ANK2: variants seen among roughly 807,000 people sequenced by gnomAD.
The protein encoded by ANK2 is ankyrin-2.
A neutral mutation model predicts 360.5 loss-of-function variants in ANK2; 83 were observed. The observed-to-expected ratio is 0.23, with a 90% CI of 0.19 to 0.28. The LOEUF (loss-of-function observed/expected upper bound fraction) is 0.28. ANK2 is among the 10% of genes least tolerant of loss of function. ANK2 has a pLI of 1.00. For synonymous variants in ANK2, 1,740 were observed against 1,759.5 expected (o/e 0.99, Z 0.28); for missense variants, 4,201 against 4,795.7 (o/e 0.88, Z 3.66).
intron 2 of ANK2, among the ~76,000 whole-genome samples, chr4:112,943,003 A>G (rs1426265450): frequency 6.6e-6 from 1 of 152,106 alleles, no homozygotes; most frequent in Non-Finnish European, 1.5e-5. Context: ...GGTAACCATC[A>G]ATCGCTTGCT....
intron 22 of ANK2, among the ~76,000 whole-genome samples, chr4:113,298,709 A>C (rs1040782713): frequency 3.3e-5 from 5 of 152,132 alleles, no homozygotes; most frequent in African/African-American, 1.2e-4. Context: ...ACTCATTTTA[A>C]CTTTTAAAGT....
chr4:112,922,831 G>A (rs1022548931), intron 2 of ANK2, among the ~76,000 whole-genome samples: 4 of 152,092 alleles, frequency 2.6e-5, no homozygotes, highest in Admixed American at 1.3e-4. Context: ...CCTTGTCACT[G>A]ATACCAACCT....
the ANK2 span, among the ~76,000 whole-genome samples, chr4:112,766,738 C>A: frequency 6.6e-6 from 1 of 152,290 alleles, no homozygotes; most frequent in East Asian, 1.9e-4. Flanking sequence ...TTATTTGCAA[C>A]ATCTGTGCGT....
chr4:113,124,220 G>T (rs186833267), intron 1 of ANK2, among the ~76,000 whole-genome samples: 83 of 152,238 alleles, frequency 5.5e-4, no homozygotes, highest in Middle Eastern at 6.8e-3. Flanking sequence ...AGTGTCCTAG[G>T]GATTTAATTG....
intron 1 of ANK2, among the ~76,000 whole-genome samples, chr4:113,124,154 T>C (rs2095528409): frequency 6.6e-6 from 1 of 152,156 alleles, no homozygotes; most frequent in Non-Finnish European, 1.5e-5. Context: ...ACCACTACAT[T>C]GTGAATTTAA....
chr4:113,206,821 C>T (rs577912401), intron 4 of ANK2, among the ~76,000 whole-genome samples: 4 of 152,214 alleles, frequency 2.6e-5, no homozygotes, highest in Admixed American at 6.5e-5. Context: ...GTCAGGAGTT[C>T]GAGACCAGCC....
Position 113,336,063 on chromosome 4 carries a change from C to T in ANK2, c.3591+6C>T, listed in dbSNP as rs773506312. ...GGATCCGCGTAGGCCTGCAGGTATG[C>T]CCATGTTAGATGCAAATGATCCTAA... On this transcript the variant is annotated splice_donor_region_variant and intron_variant, in intron 30 of 45. Coordinates refer to ENST00000357077, the MANE Select transcript of ANK2 (RefSeq NM_001148.6). 15 of 1,613,054 alleles carry T rather than the reference C, an allele frequency of 9.3e-6. No individual in the cohort carries two copies. In the South Asian group the frequency reaches 1.6e-4, roughly 18 times the overall value.
intron 2 of ANK2, among the ~76,000 whole-genome samples, chr4:113,180,259 G>C (rs568976923): frequency 6.6e-6 from 1 of 152,198 alleles, no homozygotes; most frequent in Non-Finnish European, 1.5e-5. Flanking sequence ...CTTACCAGCT[G>C]AGTGACCCTC....
At chr4:113,057,119 T>G (rs1318373294) in intron 1 of ANK2, among the ~76,000 whole-genome samples, 1 of 152,180 alleles carries the variant, frequency 6.6e-6, no homozygotes, top group African/African-American at 2.4e-5. Flanking sequence ...AAGCCAATGA[T>G]TGACACTTAC....
At chr4:112,946,231 G>A (rs1028517243) in intron 2 of ANK2, among the ~76,000 whole-genome samples, 1 of 152,112 alleles carries the variant, frequency 6.6e-6, no homozygotes, top group African/African-American at 2.4e-5. Context: ...AGCCTTTCGT[G>A]GAAAGGAGCC....
chr4:112,795,647 G>A, the ANK2 span, among the ~76,000 whole-genome samples: 1 of 152,022 alleles, frequency 6.6e-6, no homozygotes, highest in Non-Finnish European at 1.5e-5. Flanking sequence ...GGGATTACAG[G>A]TGCCTGCCAC....
At chr4:113,333,296 ATATGTGTG>A (rs2092898885) in intron 29 of ANK2, 88 bp downstream of exon 29, 3 of 1,387,336 alleles carry the variant, frequency 2.2e-6, no homozygotes, top group Non-Finnish European at 3.0e-6. Flanking sequence ...GGGTGTGTGT[ATATGTGTG>A]TGTGTGTGTG....
chr4:113,352,131 G>A (rs919875423), intron 37 of ANK2, among the ~76,000 whole-genome samples: 7 of 152,112 alleles, frequency 4.6e-5, no homozygotes, highest in Non-Finnish European at 8.8e-5. Context: ...CAGCAAGGCC[G>A]CCTCTCCCAG....
intron 2 of ANK2, among the ~76,000 whole-genome samples, chr4:112,942,918 C>T (rs2094331474): frequency 1.3e-5 from 2 of 151,910 alleles, no homozygotes; most frequent in African/African-American, 2.4e-5. Flanking sequence ...TAACTGCAAT[C>T]TAAAGTATTA....
intron 1 of ANK2, among the ~76,000 whole-genome samples, chr4:112,898,561 G>T (rs926011403): frequency 1.3e-5 from 2 of 152,076 alleles, no homozygotes; most frequent in Admixed American, 1.3e-4. Flanking sequence ...GTGAACTCTG[G>T]TCACTTGGCT....
At position 113,105,861 on chromosome 4, in the gene ANK2, C is replaced by T. The variant is rs75303530; in HGVS notation, c.84+56049C>T. Among the ~76,000 whole-genome samples, 204 of 152,250 alleles carry T rather than the reference C, an allele frequency of 1.3e-3. 4 individuals carry two copies. In the East Asian group the frequency reaches 0.038, roughly 28 times the overall value. ...AGTGTACAGTGTGAGACTGCATAAA[C>T]AAACTTTAAAGAAATTCGTTATACA... On this transcript the variant is annotated intron_variant, in intron 1 of 45. Transcript: ENST00000357077.
intron 1 of ANK2, among the ~76,000 whole-genome samples, chr4:113,075,563 A>G (rs2079575733): frequency 6.6e-6 from 1 of 152,178 alleles, no homozygotes; most frequent in Admixed American, 6.5e-5. Context: ...GATGGAACAG[A>G]AAGACATGAG....
chr4:113,288,214 T>C lies in ANK2; in HGVS notation c.2179-174T>C, dbSNP rs185290718. On this transcript the variant is annotated intron_variant, in intron 19 of 45. Transcript: ENST00000357077. ...ACCCACATCTGATCTCTCTTGCTGATATGAAGTTCCCTGTGGTCAGGGGCA... is the reference window on the plus strand; with the variant it reads ...ACCCACATCTGATCTCTCTTGCTGACATGAAGTTCCCTGTGGTCAGGGGCA... Among the ~76,000 whole-genome samples, 71 of 152,356 alleles carry C rather than the reference T, an allele frequency of 4.7e-4. 1 individual carries two copies. The highest frequency in any genetic ancestry group is 1.5e-3 in the African/African-American group (64 of 41,588).
chr4:113,134,438 T>C (rs1211336478), intron 1 of ANK2, among the ~76,000 whole-genome samples: 1 of 151,928 alleles, frequency 6.6e-6, no homozygotes, highest in Non-Finnish European at 1.5e-5. Flanking sequence ...CCTCTTGTGC[T>C]CTGCTGAACA....
Sources: allele counts gnomAD v4.1 joint callset (sites outside exome capture counted in the v4.1 genomes callset), GRCh38; gene constraint gnomAD v4.1.1; transcripts MANE v1.5; gene names NCBI Gene and HGNC (gene_info 2026-07-23, HGNC 2026-07-21).